INTS7: variants seen among roughly 807,000 people sequenced by gnomAD.
INTS7 encodes integrator complex subunit 7.
INTS7 carries 46 observed loss-of-function variants against 109.2 expected under a neutral mutation model. The ratio of observed to expected loss-of-function variants is 0.42; its 90% confidence interval spans 0.33 to 0.54. The LOEUF (loss-of-function observed/expected upper bound fraction) is 0.54, where lower values mean the gene tolerates loss of function less well. INTS7 is among the 20% of genes least tolerant of loss of function. The pLI, the probability that INTS7 is intolerant of heterozygous loss-of-function variation, is 0.07. For synonymous variants in INTS7, 412 were observed against 402.9 expected (o/e 1.02, Z -0.27); for missense variants, 929 against 1,132.4 (o/e 0.82, Z 2.58).
chr1:212,012,269 G>A (rs1313470567), intron 4 of INTS7, among the ~76,000 whole-genome samples: 1 of 152,106 alleles, frequency 6.6e-6, no homozygotes, highest in Non-Finnish European at 1.5e-5. Context: ...GGAGATTGGG[G>A]GGGGAGGGGG....
At chr1:212,016,415 T>C (rs1327703477) in intron 4 of INTS7, among the ~76,000 whole-genome samples, 1 of 152,224 alleles carries the variant, frequency 6.6e-6, no homozygotes, top group Non-Finnish European at 1.5e-5. Flanking sequence ...AACAAAATAC[T>C]GTTCTGTAAA....
intron 8 of INTS7, 44 bp downstream of exon 8, chr1:211,987,842 G>C: frequency 2.7e-6 from 3 of 1,098,542 alleles, no homozygotes; most frequent in Non-Finnish European, 4.1e-6. Flanking sequence ...ATGGATAAAG[G>C]AGTTAGCACA....
chr1:211,949,008 G>T (rs1662967526), intron 17 of INTS7, among the ~76,000 whole-genome samples: 1 of 152,304 alleles, frequency 6.6e-6, no homozygotes, highest in South Asian at 2.1e-4. Context: ...CCTGGACAAT[G>T]CTCTCTTAAT....
intron 15 of INTS7, 26 bp from the exon 16 acceptor site, chr1:211,966,524 G>A (rs1405874256): frequency 5.5e-6 from 8 of 1,463,440 alleles, no homozygotes; most frequent in East Asian, 2.3e-5. Flanking sequence ...GGTTACATAC[G>A]AAAATAGAGA....
At chr1:211,972,635 A>G (rs1474943463) in intron 13 of INTS7, among the ~76,000 whole-genome samples, 1 of 152,180 alleles carries the variant, frequency 6.6e-6, no homozygotes, top group Non-Finnish European at 1.5e-5. Context: ...ATATGGCAAA[A>G]GTGATGAGAT....
At chr1:211,973,442 G>A (rs1023231746) in intron 13 of INTS7, among the ~76,000 whole-genome samples, 2 of 151,950 alleles carry the variant, frequency 1.3e-5, no homozygotes, top group Non-Finnish European at 2.9e-5. Context: ...CTTTGCTATC[G>A]GGTCTCCATA....
At position 211,975,368 on chromosome 1, in the gene INTS7, T is replaced by C. The variant is rs773192518; in HGVS notation, c.1613A>G (p.Asn538Ser). The change falls in exon 13 of 20, where the codon AAT becomes AGT. Residue 538 changes from asparagine to serine, a missense_variant. Physicochemically the swap from Asn to Ser is conservative, Grantham distance 46 (BLOSUM62 1). Coordinates refer to ENST00000366994, the MANE Select transcript of INTS7 (RefSeq NM_015434.4). ...ATAAAGCTCTTTGGCCATGTCATGA[T>C]TACCCTAAAAACAAAAAAAGAAAAG... ...RIARQASRMG[N>S]HDMAKELYQS... 6.2e-7 allele frequency: 1 copy of C among 1,612,788 alleles called. No homozygotes were observed. Among genetic ancestry groups the C allele is most frequent in the Non-Finnish European group, 8.5e-7 (1 of 1,179,084 alleles).
chr1:211,970,606 A>G (rs539387791), intron 13 of INTS7, among the ~76,000 whole-genome samples: 5 of 152,378 alleles, frequency 3.3e-5, no homozygotes, highest in Admixed American at 3.3e-4. Context: ...TAAACCAGTA[A>G]GAAAAAGACA....
At chr1:211,970,614 A>G (rs1664127886) in intron 13 of INTS7, among the ~76,000 whole-genome samples, 1 of 152,256 alleles carries the variant, frequency 6.6e-6, no homozygotes, top group Non-Finnish European at 1.5e-5. Context: ...TAAGAAAAAG[A>G]CATAAAAACT....
At chr1:211,951,365 G>C (rs1277511039) in intron 17 of INTS7, among the ~76,000 whole-genome samples, 1 of 152,100 alleles carries the variant, frequency 6.6e-6, no homozygotes, top group Non-Finnish European at 1.5e-5. Context: ...CTGGAGTGCA[G>C]TGGCGCTATC....
At chr1:211,960,243 C>A (rs1663555114) in intron 16 of INTS7, among the ~76,000 whole-genome samples, 1 of 152,002 alleles carries the variant, frequency 6.6e-6, no homozygotes. Flanking sequence ...GTTGATTAAA[C>A]CCACCTTATA....
At chr1:211,975,781 G>A (rs1664392657) in intron 12 of INTS7, among the ~76,000 whole-genome samples, 1 of 152,084 alleles carries the variant, frequency 6.6e-6, no homozygotes. Context: ...TAATGCCTGG[G>A]GCCAGGGATA....
At chr1:211,958,391 T>C (rs1663459747) in intron 16 of INTS7, among the ~76,000 whole-genome samples, 1 of 152,154 alleles carries the variant, frequency 6.6e-6, no homozygotes, top group Non-Finnish European at 1.5e-5. Context: ...TGATCTTTCT[T>C]CCCTTCTAAA....
At chr1:211,947,772 G>A (rs1031936326) in intron 17 of INTS7, among the ~76,000 whole-genome samples, 1 of 152,174 alleles carries the variant, frequency 6.6e-6, no homozygotes, top group Non-Finnish European at 1.5e-5. Flanking sequence ...AAAAGCTTGA[G>A]TCAACACCAT....
At chr1:211,981,528 C>G (rs1664664471) in intron 9 of INTS7, among the ~76,000 whole-genome samples, 1 of 152,164 alleles carries the variant, frequency 6.6e-6, no homozygotes, top group Non-Finnish European at 1.5e-5. Flanking sequence ...GCAAACTATG[C>G]AGTATGTGTT....
At chr1:211,994,541 G>A (rs1467432945) in intron 7 of INTS7, among the ~76,000 whole-genome samples, 3 of 149,844 alleles carry the variant, frequency 2.0e-5, no homozygotes, top group South Asian at 2.1e-4. Context: ...CTCCTGCCTC[G>A]GCCTCCTGAG....
intron 13 of INTS7, among the ~76,000 whole-genome samples, chr1:211,974,655 G>A (rs1486173417): frequency 2.0e-5 from 3 of 152,124 alleles, no homozygotes; most frequent in Admixed American, 1.3e-4. Flanking sequence ...GGATCTCTTT[G>A]CAACCCTTTC....
chr1:212,026,493 G>GAAGCTCTAGGA (rs1666925975), intron 1 of INTS7, among the ~76,000 whole-genome samples: 1 of 152,112 alleles, frequency 6.6e-6, no homozygotes, highest in South Asian at 2.1e-4. Flanking sequence ...AACTGCCTCT[G>GAAGCTCTAGGA]AAGCTCTAGA....
rs115803608 is a variant in INTS7 at position 211,953,392 on chromosome 1, T to C, written c.2184-691A>G. 4.6e-3 allele frequency among the ~76,000 whole-genome samples: 695 copies of C among 152,310 alleles called. 4 individuals are homozygous for C. Among genetic ancestry groups the C allele is most frequent in the African/African-American group, 0.016 (667 of 41,564 alleles). ...ATTTCTATTTTATTTTTTTAACTTA[T>C]TATTTTTTAATTTTATTATCATTAT... On this transcript the variant is annotated intron_variant, in intron 16 of 19. Transcript: ENST00000366994.
Sources: gnomAD v4.1 joint callset for allele counts (sites outside exome capture counted in the v4.1 genomes callset) on GRCh38, gnomAD v4.1.1 for gene constraint, MANE v1.5 for transcripts, NCBI Gene and HGNC (gene_info 2026-07-23, HGNC 2026-07-21) for gene names.